HIVEP1: variants seen among roughly 807,000 people sequenced by gnomAD.
HIVEP1 encodes zinc finger protein 40.
A neutral mutation model predicts 180.0 loss-of-function variants in HIVEP1; 36 were observed. The observed-to-expected ratio is 0.20, with a 90% CI of 0.15 to 0.26. HIVEP1 has a LOEUF of 0.26. HIVEP1 is among the 10% of genes least tolerant of loss of function. The pLI, the probability that HIVEP1 is intolerant of heterozygous loss-of-function variation, is 1.00. For missense variants in HIVEP1, 3,143 were observed against 3,268.7 expected, an observed-to-expected ratio of 0.96 and a Z score of 0.94; for synonymous variants, 1,239 against 1,239.0, an observed-to-expected ratio of 1.00 and a Z score of 0.00.
intron 2 of HIVEP1, 112 bp downstream of exon 2, chr6:12,015,780 C>G: frequency 1.2e-6 from 1 of 826,312 alleles, no homozygotes; most frequent in Non-Finnish European, 2.0e-6. Flanking sequence ...TGGTGAGGAG[C>G]GCTATTTCTC....
the HIVEP1 span, among the ~76,000 whole-genome samples, chr6:12,205,830 A>G: frequency 6.6e-6 from 1 of 152,160 alleles, no homozygotes; most frequent in Non-Finnish European, 1.5e-5. Context: ...TGAACAGGTC[A>G]GGATCCACAC....
chr6:12,026,145 A>G (rs1768572691), intron 2 of HIVEP1, among the ~76,000 whole-genome samples: 1 of 152,220 alleles, frequency 6.6e-6, no homozygotes, highest in Admixed American at 6.5e-5. Flanking sequence ...AAAATCTTGT[A>G]CCTGCCCTCT....
At position 12,125,484 on chromosome 6, in the gene HIVEP1, T is replaced by C. The variant is rs1323166032; in HGVS notation, c.5689T>C (p.Ser1897Pro). Residue 1897 changes from serine (S) to proline (P), a missense_variant, in exon 4 of 9, where the codon TCT becomes CCT. This residue lies in a region of HIVEP1 where 1,357 missense variants were observed against 1,260.5 expected (regional missense o/e 1.08). Coordinates refer to ENST00000379388, the MANE Select transcript of HIVEP1 (RefSeq NM_002114.4). Reference protein sequence around the residue: ...KCTDNNQERKSPGVKNQGDKV... With the variant: ...KCTDNNQERKPPGVKNQGDKV... ...TACAGACAATAACCAAGAAAGGAAG[T>C]CTCCAGGGGTTAAAAATCAAGGTGA... The C allele has an allele frequency of 5.6e-6, 9 of 1,613,828 alleles. No homozygotes were observed. Among genetic ancestry groups the C allele is most frequent in the Non-Finnish European group, 6.8e-6 (8 of 1,179,974 alleles).
At chr6:12,055,297 A>G (rs1248240443) in intron 2 of HIVEP1, among the ~76,000 whole-genome samples, 2 of 152,120 alleles carry the variant, frequency 1.3e-5, no homozygotes, top group East Asian at 3.9e-4. Flanking sequence ...ACACGGTGAA[A>G]CTCCGTCTCT....
chr6:12,197,715 A>T, the HIVEP1 span, among the ~76,000 whole-genome samples: 4 of 152,252 alleles, frequency 2.6e-5, no homozygotes, highest in African/African-American at 9.6e-5. Context: ...AAGCTGAGGT[A>T]TGGCAGGATC....
chr6:12,018,067 G>A (rs1305769265), intron 2 of HIVEP1, among the ~76,000 whole-genome samples: 7 of 152,222 alleles, frequency 4.6e-5, no homozygotes, highest in Non-Finnish European at 7.3e-5. Context: ...CCTGCCCCAC[G>A]GGGAAGCAGC....
chr6:12,120,911 A>T lies in HIVEP1; in HGVS notation c.1116A>T (p.Pro372=). 6.2e-7 allele frequency: 1 copy of T among 1,614,170 alleles called. No individual in the cohort carries two copies. The highest frequency in any genetic ancestry group is 1.3e-5 in the African/African-American group (1 of 75,054). Residue 372 remains proline (P), a synonymous_variant, in exon 4 of 9, where the codon CCA becomes CCT. Transcript: ENST00000379388. ...PANSTQSPPM[P]IYNSTHVASV... ...ATTCTACACAGTCGCCCCCCATGCC[A>T]ATCTATAATTCAACTCATGTTGCCT...
At chr6:12,169,734 A>G (rs1424270943), downstream of HIVEP1, among the ~76,000 whole-genome samples, 2 of 152,340 alleles carry the variant, frequency 1.3e-5, no homozygotes, top group East Asian at 3.9e-4. Context: ...AAGGAGTAGA[A>G]CAAAAATAGT....
At chr6:12,086,776 G>A (rs1198310669) in intron 2 of HIVEP1, among the ~76,000 whole-genome samples, 1 of 152,006 alleles carries the variant, frequency 6.6e-6, no homozygotes, top group Non-Finnish European at 1.5e-5. Flanking sequence ...GTATGCACGT[G>A]GGATATTAGT....
At position 12,123,899 on chromosome 6, in the gene HIVEP1, A is replaced by G; in HGVS notation, c.4104A>G (p.Ser1368=). ...GCHREMRRTA[S]EQINCTQTSM... ...ACCGGGAAATGAGGCGTACTGCATCAGAACAGATTAATTGCACGCAAACGT... is the reference window on the plus strand; with the variant it reads ...ACCGGGAAATGAGGCGTACTGCATCGGAACAGATTAATTGCACGCAAACGT... The change falls in exon 4 of 9, where the codon TCA becomes TCG. Residue 1368 remains serine, a synonymous_variant. Coordinates refer to ENST00000379388, the MANE Select transcript of HIVEP1 (RefSeq NM_002114.4). 6.2e-7 allele frequency: 1 copy of G among 1,614,210 alleles called. No homozygotes were observed. Among genetic ancestry groups the G allele is most frequent in the Non-Finnish European group, 8.5e-7 (1 of 1,180,024 alleles).
the HIVEP1 span, among the ~76,000 whole-genome samples, chr6:12,189,041 TTG>T: frequency 2.6e-5 from 4 of 151,934 alleles, no homozygotes; most frequent in East Asian, 1.9e-4. Context: ...AATGTATACT[TTG>T]TGTATAATAA....
intron 7 of HIVEP1, among the ~76,000 whole-genome samples, chr6:12,152,950 AT>A (rs1336638014): frequency 1.3e-5 from 2 of 152,360 alleles, no homozygotes; most frequent in East Asian, 1.9e-4. Flanking sequence ...TACATAAAAA[AT>A]ATATGGTGTT....
At chr6:12,042,314 C>T (rs1322943608) in intron 2 of HIVEP1, among the ~76,000 whole-genome samples, 5 of 149,526 alleles carry the variant, frequency 3.3e-5, no homozygotes, top group African/African-American at 1.2e-4. Context: ...ATCTCCTGAC[C>T]TCATGATCCA....
chr6:12,016,088 A>G (rs988751197), intron 2 of HIVEP1, among the ~76,000 whole-genome samples: 3 of 152,132 alleles, frequency 2.0e-5, no homozygotes, highest in African/African-American at 7.2e-5. Flanking sequence ...CATCAGTTAG[A>G]TTAACAAGAT....
Position 12,123,909 on chromosome 6 carries a change from A to G in HIVEP1, c.4114A>G (p.Asn1372Asp). ...EMRRTASEQI[N>D]CTQTSMEVSD... ...GAGGCGTACTGCATCAGAACAGATT[A>G]ATTGCACGCAAACGTCAATGGAGGT... Residue 1372 changes from asparagine (N) to aspartate (D), a missense_variant, in exon 4 of 9, where the codon AAT (asparagine) becomes GAT (aspartate). By Grantham distance (23) the Asn-to-Asp change is conservative. Transcript: ENST00000379388. 1 of 1,614,180 alleles carries G rather than the reference A, an allele frequency of 6.2e-7. No homozygotes were observed. The highest frequency in any genetic ancestry group is 8.5e-7 in the Non-Finnish European group (1 of 1,179,990).
In HIVEP1 at chr6:12,163,091, A is replaced by T. The variant is rs1181150603; in HGVS notation, c.6979-192A>T. On this transcript the variant is annotated intron_variant, in intron 8 of 8. Coordinates refer to ENST00000379388, the MANE Select transcript of HIVEP1 (RefSeq NM_002114.4). ...ATTTCTACCAGAAACGAAATTAAAG[A>T]TGTAATAATTGTTTAATTGGAAGCT... 2.6e-5 allele frequency among the ~76,000 whole-genome samples: 4 copies of T among 152,384 alleles called. No homozygotes were observed. In the East Asian group the frequency reaches 7.7e-4, roughly 29 times the overall value.
chr6:12,035,298 G>A (rs1769203744), intron 2 of HIVEP1, among the ~76,000 whole-genome samples: 1 of 152,134 alleles, frequency 6.6e-6, no homozygotes, highest in Non-Finnish European at 1.5e-5. Flanking sequence ...AGGACTTACT[G>A]GAAGTGAAGA....
chr6:12,168,261 T>TATATATACATATATACATATATTATATAC (rs1491288750), downstream of HIVEP1, among the ~76,000 whole-genome samples: 1,856 of 36,680 alleles, frequency 0.051, 66 homozygotes, highest in South Asian at 0.15. Flanking sequence ...GATATACGTG[T>TATATATACATATATACATATATTATATAC]ATATATACAT....
chr6:12,206,265 C>G, the HIVEP1 span, among the ~76,000 whole-genome samples: 2 of 152,258 alleles, frequency 1.3e-5, no homozygotes, highest in South Asian at 4.1e-4. Flanking sequence ...TCCTGAGTAG[C>G]TGGGATTGCA....
Sources: gnomAD v4.1 joint callset for allele counts (sites outside exome capture counted in the v4.1 genomes callset) on GRCh38, gnomAD v4.1.1 for gene constraint, gnomAD v4.1.1 regional missense constraint, MANE v1.5 for transcripts, NCBI Gene and HGNC (gene_info 2026-07-23, HGNC 2026-07-21) for gene names.